Variants in STPG2 observed in about 807,000 individuals in gnomAD.
STPG2 encodes sperm-tail PG-rich repeat-containing protein 2.
STPG2 carries 56 observed loss-of-function variants against 54.2 expected under a neutral mutation model. That is an observed-to-expected ratio of 1.03 (90% CI 0.83 to 1.29). The LOEUF is 1.29. Among genes scored for constraint, STPG2 ranks in the 50% most tolerant of loss-of-function variants. The pLI is 0.00. For synonymous variants in STPG2, 200 were observed against 181.8 expected (o/e 1.10, Z -0.81); for missense variants, 596 against 544.9 (o/e 1.09, Z -0.93).
intron 9 of STPG2, among the ~76,000 whole-genome samples, chr4:97,788,018 T>C (rs1726879175): frequency 6.6e-6 from 1 of 151,988 alleles, no homozygotes; most frequent in Non-Finnish European, 1.5e-5. Flanking sequence ...TGTGTAATAA[T>C]CACATCAGAG....
chr4:97,867,064 G>A (rs1404938397), intron 8 of STPG2, among the ~76,000 whole-genome samples: 1 of 151,956 alleles, frequency 6.6e-6, no homozygotes, highest in Non-Finnish European at 1.5e-5. Flanking sequence ...CTGAGGAGTA[G>A]CTTTGGGTGC....
chr4:97,823,563 C>T (rs1032253045), intron 9 of STPG2, among the ~76,000 whole-genome samples: 2 of 152,130 alleles, frequency 1.3e-5, no homozygotes, highest in Non-Finnish European at 2.9e-5. Flanking sequence ...CCTTTAGTTT[C>T]TTAATAAACT....
intron 10 of STPG2, among the ~76,000 whole-genome samples, chr4:97,575,451 T>G (rs963532937): frequency 6.6e-6 from 1 of 152,026 alleles, no homozygotes; most frequent in Non-Finnish European, 1.5e-5. Flanking sequence ...TTCCTAAAAT[T>G]TAAGGTTGGT....
intron 7 of STPG2, among the ~76,000 whole-genome samples, chr4:97,947,447 T>C (rs997090675): frequency 6.6e-6 from 1 of 152,050 alleles, no homozygotes; most frequent in African/African-American, 2.4e-5. Context: ...TTTTGCTGAA[T>C]GGAAAGTGGT....
chr4:97,528,223 G>C (rs1578364028), intron 4 of STPG2, among the ~76,000 whole-genome samples: 1 of 152,102 alleles, frequency 6.6e-6, no homozygotes, highest in South Asian at 2.1e-4. Context: ...CATATGGCTA[G>C]CCTGTTTTCC....
intron 9 of STPG2, among the ~76,000 whole-genome samples, chr4:97,737,939 A>G (rs569889447): frequency 5.3e-4 from 80 of 152,312 alleles, no homozygotes; most frequent in African/African-American, 1.9e-3. Context: ...ATGAAGGAAA[A>G]AATGTTAAGG....
At chr4:97,726,718 A>T (rs545590209) in intron 9 of STPG2, among the ~76,000 whole-genome samples, 26 of 152,000 alleles carry the variant, frequency 1.7e-4, no homozygotes, top group African/African-American at 5.8e-4. Context: ...ACTTTGAATT[A>T]ATAAGGAAAA....
At chr4:97,569,955 C>T (rs1486388178) in intron 10 of STPG2, among the ~76,000 whole-genome samples, 1 of 151,784 alleles carries the variant, frequency 6.6e-6, no homozygotes, top group East Asian at 1.9e-4. Flanking sequence ...GTAATATATC[C>T]TGAAAAGTAC....
At chr4:97,605,392 A>C (rs534826664) in intron 10 of STPG2, among the ~76,000 whole-genome samples, 1 of 151,918 alleles carries the variant, frequency 6.6e-6, no homozygotes, top group South Asian at 2.1e-4. Flanking sequence ...CACTATCTCT[A>C]TGAAACATTT....
At chr4:97,800,977 T>C (rs1033008269) in intron 9 of STPG2, among the ~76,000 whole-genome samples, 5 of 151,930 alleles carry the variant, frequency 3.3e-5, no homozygotes, top group South Asian at 2.1e-4. Context: ...GGGACCCTCC[T>C]AGCCAGGTGC....
At chr4:98,062,083 T>A (rs1737678923) in intron 5 of STPG2, among the ~76,000 whole-genome samples, 1 of 152,174 alleles carries the variant, frequency 6.6e-6, no homozygotes, top group Non-Finnish European at 1.5e-5. Context: ...AAAGAAAATG[T>A]GGTACATATA....
intron 8 of STPG2, among the ~76,000 whole-genome samples, chr4:97,940,404 T>C (rs1221918314): frequency 1.3e-5 from 2 of 152,222 alleles, no homozygotes. Flanking sequence ...TCCAAGTTGT[T>C]TGCTTTTTTC....
At chr4:97,963,160 AAAACAAACAAAC>A (rs36002563) in intron 7 of STPG2, among the ~76,000 whole-genome samples, 1 of 150,176 alleles carries the variant, frequency 6.7e-6, no homozygotes, top group African/African-American at 2.5e-5. Flanking sequence ...CTCCATCTCA[AAAACAAACAAAC>A]AAACAAACAA....
intron 10 of STPG2, among the ~76,000 whole-genome samples, chr4:97,700,604 G>A (rs1560726112): frequency 6.6e-6 from 1 of 152,334 alleles, no homozygotes; most frequent in Non-Finnish European, 1.5e-5. Flanking sequence ...AGTCCAGTGT[G>A]TTTCCTACTT....
chr4:98,098,095 A>G (rs1258560385), intron 5 of STPG2, among the ~76,000 whole-genome samples: 2 of 152,088 alleles, frequency 1.3e-5, no homozygotes, highest in Non-Finnish European at 2.9e-5. Context: ...TACCAATGAC[A>G]TTTTTCACAG....
At chr4:98,141,557 C>T (rs1387411051) in intron 1 of STPG2, among the ~76,000 whole-genome samples, 1 of 152,126 alleles carries the variant, frequency 6.6e-6, no homozygotes, top group African/African-American at 2.4e-5. Context: ...TTTAAATTTA[C>T]CTATAGCCTG....
chr4:97,933,373 T>A (rs920337189), intron 8 of STPG2, among the ~76,000 whole-genome samples: 20 of 152,182 alleles, frequency 1.3e-4, no homozygotes, highest in Admixed American at 3.9e-4. Flanking sequence ...TTTAATTAGA[T>A]CCCAATTGTC....
chr4:97,722,895 T>TCA (rs1317286193), intron 9 of STPG2, among the ~76,000 whole-genome samples: 2 of 151,130 alleles, frequency 1.3e-5, no homozygotes, highest in African/African-American at 4.9e-5. Context: ...TCTCCCGGGT[T>TCA]CACGCCATTC....
intron 8 of STPG2, among the ~76,000 whole-genome samples, chr4:97,877,865 C>G (rs1332761325): frequency 6.6e-6 from 1 of 152,166 alleles, no homozygotes; most frequent in Non-Finnish European, 1.5e-5. Flanking sequence ...AGTCCAAAGT[C>G]TCATCTGAGA....
Sources: gnomAD v4.1 joint callset for allele counts (sites outside exome capture counted in the v4.1 genomes callset) on GRCh38, gnomAD v4.1.1 for gene constraint, MANE v1.5 for transcripts, NCBI Gene and HGNC (gene_info 2026-07-23, HGNC 2026-07-21) for gene names.